The following HMSD variants were observed in gnomAD, a reference collection of about 807,000 sequenced individuals.
HMSD encodes serpin-like protein HMSD.
HMSD carries 13 observed loss-of-function variants against 10.0 expected under a neutral mutation model. The ratio of observed to expected loss-of-function variants is 1.31; its 90% confidence interval spans 0.85 to 2.08. The LOEUF (loss-of-function observed/expected upper bound fraction) is 2.08. HMSD is among the 30% of genes most tolerant of loss of function. The pLI is 0.00. For missense variants in HMSD, 169 were observed against 166.3 expected, an observed-to-expected ratio of 1.02 and a Z score of -0.09; for synonymous variants, 51 against 54.2, an observed-to-expected ratio of 0.94 and a Z score of 0.26.
At chr18:63,954,687 T>G in intron 3 of HMSD, 130 bp downstream of exon 3, 1 of 713,272 alleles carries the variant, frequency 1.4e-6, no homozygotes. Context: ...CACACGCATC[T>G]TGTGATTCAG....
At position 63,961,157 on chromosome 18, in the gene HMSD, G is replaced by A. The variant is rs1208803511; in HGVS notation, c.*802G>A. 6.6e-6 allele frequency: 1 copy of A among 151,686 alleles called. No individual in the cohort carries two copies. Among genetic ancestry groups the A allele is most frequent in the Non-Finnish European group, 1.5e-5 (1 of 67,964 alleles). The allele number at this position is 151,686 out of a possible 1,614,324, so 9.4% of individuals were successfully genotyped here. A position where few individuals can be genotyped will look rare whatever the true frequency, so the allele number is the denominator to read the frequency against. ...AAGTGGAGTAAGAGGTGGGAGTGGGGAGTGTAAATGGAGTAACCTCTAAGT... is the reference window on the plus strand; with the variant it reads ...AAGTGGAGTAAGAGGTGGGAGTGGGAAGTGTAAATGGAGTAACCTCTAAGT... On this transcript the variant is annotated 3_prime_UTR_variant, in exon 4 of 4. Coordinates refer to ENST00000408945, the MANE Select transcript of HMSD (RefSeq NM_001123366.2).
downstream of HMSD, among the ~76,000 whole-genome samples, chr18:63,966,011 G>A (rs1599115457): frequency 6.6e-6 from 1 of 152,268 alleles, no homozygotes; most frequent in East Asian, 1.9e-4. Flanking sequence ...ACCCACTCTT[G>A]GAGGAATTAA....
chr18:63,963,884 ATCT>A (rs1297237527), downstream of HMSD, among the ~76,000 whole-genome samples: 11 of 152,200 alleles, frequency 7.2e-5, no homozygotes, highest in Admixed American at 3.3e-4. Flanking sequence ...CTGGATTCTG[ATCT>A]TCTTAGGATT....
intron 1 of HMSD, among the ~76,000 whole-genome samples, chr18:63,950,479 A>G (rs181476527): frequency 1.4e-3 from 208 of 151,572 alleles, no homozygotes; most frequent in African/African-American, 4.8e-3. Context: ...AAATAATTTC[A>G]ATAATGTTTA....
rs1457357649 is a variant in HMSD at position 63,961,209 on chromosome 18, T to TCC, written c.*854_*855insCC. On this transcript the variant is annotated 3_prime_UTR_variant, in exon 4 of 4. Transcript: ENST00000408945. ...TCCAAGCAGGAGGGTGTTTTTTTTTTTTCTTTCCTGGAATGAGGATAATCA... is the reference window on the plus strand; with the variant it reads ...TCCAAGCAGGAGGGTGTTTTTTTTTTCCTTCTTTCCTGGAATGAGGATAATCA... The TCC allele has an allele frequency of 7.7e-6, 1 of 130,254 alleles. No homozygotes were observed. The highest frequency in any genetic ancestry group is 7.7e-5 in the Admixed American group (1 of 12,920). 8.1% of individuals were successfully genotyped at this position (130,254 alleles called of 1,614,324 possible).
At chr18:63,967,068 T>C (rs1182483474) in intron 3 of HMSD, among the ~76,000 whole-genome samples, 1 of 152,228 alleles carries the variant, frequency 6.6e-6, no homozygotes, top group African/African-American at 2.4e-5. Context: ...GCCGGGCATA[T>C]ATGAAGTAAC....
At chr18:63,954,858 G>T (rs1273435690) in intron 3 of HMSD, among the ~76,000 whole-genome samples, 1 of 152,206 alleles carries the variant, frequency 6.6e-6, no homozygotes, top group Non-Finnish European at 1.5e-5. Flanking sequence ...TCTCGTAATT[G>T]CTTTGCAGAT....
intron 3 of HMSD, among the ~76,000 whole-genome samples, chr18:63,956,362 A>C (rs1417839369): frequency 2.1e-5 from 3 of 146,244 alleles, no homozygotes; most frequent in African/African-American, 5.1e-5. Flanking sequence ...TAAAAAAAAA[A>C]CAAACTTAAA....
chr18:63,960,383 T>G lies in HMSD; in HGVS notation c.*28T>G, dbSNP rs764123618. ...AGGAGTCCTTTTTTCTCTAAACAAC[T>G]ATGCAAACATTAAAACCTTTCTTTG... is the stretch of plus-strand genomic sequence containing the variant. On this transcript the variant is annotated 3_prime_UTR_variant, in exon 4 of 4. Coordinates refer to ENST00000408945, the MANE Select transcript of HMSD (RefSeq NM_001123366.2). 3.2e-6 allele frequency: 5 copies of G among 1,544,890 alleles called. No individual in the cohort carries two copies. The Admixed American group carries it at 1.0e-4, about 31-fold the overall frequency.
chr18:63,952,587 T>G (rs138167343), intron 1 of HMSD, among the ~76,000 whole-genome samples: 2,514 of 152,316 alleles, frequency 0.017, 79 homozygotes, highest in African/African-American at 0.057. Context: ...CCATTTATAT[T>G]CAATCATGGA....
chr18:63,951,153 T>C (rs142991781), intron 1 of HMSD, among the ~76,000 whole-genome samples: 181 of 152,366 alleles, frequency 1.2e-3, no homozygotes, highest in African/African-American at 3.9e-3. Context: ...CAAATGCTTA[T>C]ATTAATGATA....
At chr18:63,959,871 C>T (rs552695279) in intron 3 of HMSD, among the ~76,000 whole-genome samples, 1 of 152,208 alleles carries the variant, frequency 6.6e-6, no homozygotes, top group African/African-American at 2.4e-5. Flanking sequence ...GGAGATTTCT[C>T]AGTGTTTTAA....
At chr18:63,951,652 A>G (rs1034969617) in intron 1 of HMSD, among the ~76,000 whole-genome samples, 1 of 152,218 alleles carries the variant, frequency 6.6e-6, no homozygotes, top group African/African-American at 2.4e-5. Flanking sequence ...AAAAAAAGCA[A>G]TGCATCCATT....
At chr18:63,956,697 A>C (rs1390810371) in intron 3 of HMSD, among the ~76,000 whole-genome samples, 1 of 152,224 alleles carries the variant, frequency 6.6e-6, no homozygotes, top group Non-Finnish European at 1.5e-5. Context: ...TTAAAAGAGA[A>C]TTGCCATTTG....
At chr18:63,954,150 C>T (rs961195549) in intron 2 of HMSD, among the ~76,000 whole-genome samples, 1 of 152,114 alleles carries the variant, frequency 6.6e-6, no homozygotes, top group Admixed American at 6.6e-5. Context: ...TTAGGGTTTG[C>T]AAAAGGCATA....
At chr18:63,967,130 AGACTCTTT>A (rs36210123) in intron 3 of HMSD, among the ~76,000 whole-genome samples, 40,752 of 151,692 alleles carry the variant, frequency 0.27, 5,993 homozygotes, top group African/African-American at 0.39. Context: ...AACTCCGGTG[AGACTCTTT>A]GTTTTTTGTT....
At chr18:63,953,269 T>C (rs1484507548) in intron 1 of HMSD, 85 bp from the exon 2 acceptor site, 12 of 534,492 alleles carry the variant, frequency 2.2e-5, no homozygotes, top group Admixed American at 3.1e-5. Context: ...CAAGTATCCA[T>C]TTAACTAGTA....
intron 1 of HMSD, among the ~76,000 whole-genome samples, chr18:63,950,415 CAAAAAAAAA>C (rs562421091): frequency 3.6e-4 from 14 of 39,068 alleles, no homozygotes; most frequent in Non-Finnish European, 7.4e-4. Context: ...GACTCTCTCT[CAAAAAAAAA>C]AAAAAAAAAA....
At chr18:63,963,093 CTT>C (rs1339717915), downstream of HMSD, among the ~76,000 whole-genome samples, 25 of 126,960 alleles carry the variant, frequency 2.0e-4, 1 homozygote, top group African/African-American at 8.6e-4. Context: ...TTCTTTCTTT[CTT>C]TCTTTCTTTC....
Sources: allele counts gnomAD v4.1 joint callset (sites outside exome capture counted in the v4.1 genomes callset), GRCh38; gene constraint gnomAD v4.1.1; transcripts MANE v1.5; gene names NCBI Gene and HGNC (gene_info 2026-07-23, HGNC 2026-07-21).